The following DGKH variants were observed in gnomAD, a reference collection of about 807,000 sequenced individuals.
The protein encoded by DGKH is diacylglycerol kinase eta.
DGKH carries 90 observed loss-of-function variants against 159.3 expected under a neutral mutation model. The ratio of observed to expected loss-of-function variants is 0.57; its 90% CI spans 0.48 to 0.67. DGKH has a LOEUF of 0.67. DGKH is among the 30% of genes least tolerant of loss of function. The probability of loss-of-function intolerance (pLI) is 0.00; values close to 1 mark genes in which losing one functional copy is unlikely to be tolerated. For missense variants in DGKH, 1,181 were observed against 1,506.1 expected (o/e 0.78, Z 3.57); for synonymous variants, 536 against 553.8 (o/e 0.97, Z 0.45).
intron 7 of DGKH, among the ~76,000 whole-genome samples, chr13:42,164,415 A>G (rs1956264535): frequency 6.6e-6 from 1 of 152,210 alleles, no homozygotes. Context: ...ATAATAGAAA[A>G]CTGTCTAAAA....
chr13:42,197,485 A>G (rs1957231429), intron 17 of DGKH, among the ~76,000 whole-genome samples: 1 of 152,180 alleles, frequency 6.6e-6, no homozygotes, highest in Non-Finnish European at 1.5e-5. Context: ...TTGCCTAAAC[A>G]TTAAAATAAT....
chr13:42,063,939 G>GA (rs77810411), intron 1 of DGKH, among the ~76,000 whole-genome samples: 2,456 of 120,964 alleles, frequency 0.02, 29 homozygotes, highest in African/African-American at 0.036. Context: ...AACTCCGTCT[G>GA]AAAAAAAAAA....
chr13:42,255,989 A>G, intron 30 of DGKH: 4 of 1,604,774 alleles, frequency 2.5e-6, no homozygotes, highest in Non-Finnish European at 3.4e-6. Context: ...AGCCATGAAC[A>G]CTACTGCCTG....
upstream of DGKH, among the ~76,000 whole-genome samples, chr13:42,046,905 A>G (rs1438321631): frequency 1.3e-5 from 2 of 152,258 alleles, 1 homozygote. Flanking sequence ...TTATTCTTTC[A>G]AAAGACCCTT....
chr13:42,040,403 G>A (rs1880409389), intron 1 of DGKH, among the ~76,000 whole-genome samples: 1 of 151,876 alleles, frequency 6.6e-6, no homozygotes, highest in Non-Finnish European at 1.5e-5. Context: ...CGGCCGCCCG[G>A]TGCCCGTGAC....
At chr13:42,093,081 TA>T (rs887050837) in intron 1 of DGKH, among the ~76,000 whole-genome samples, 6 of 151,722 alleles carry the variant, frequency 4.0e-5, no homozygotes, top group African/African-American at 1.5e-4. Flanking sequence ...CTATCTCTAC[TA>T]AAAATGCAAA....
intron 3 of DGKH, among the ~76,000 whole-genome samples, chr13:42,132,558 G>A (rs1226299011): frequency 6.6e-6 from 1 of 152,298 alleles, no homozygotes; most frequent in African/African-American, 2.4e-5. Context: ...GATCTCTCCT[G>A]TAATGTCTTT....
chr13:42,205,822 C>A (rs1957453366), intron 20 of DGKH, among the ~76,000 whole-genome samples: 1 of 152,074 alleles, frequency 6.6e-6, no homozygotes, highest in African/African-American at 2.4e-5. Context: ...CTTTAAAAAT[C>A]AGTTTTTTGT....
Position 42,101,510 on chromosome 13 carries a change from C to T in DGKH, c.193-25953C>T, listed in dbSNP as rs970997053. ...AATGGTTCCATTTGGCTAGTGGCTA[C>T]GCTATCAGACAGTGCAGACAACGAA... On this transcript the variant is annotated intron_variant, in intron 1 of 29. Transcript: ENST00000337343. Among the ~76,000 whole-genome samples the T allele has an allele frequency of 1.2e-4, 19 of 152,316 alleles. No individual in the cohort carries two copies. The South Asian group carries it at 2.1e-3, about 17-fold the overall frequency.
chr13:42,155,834 A>G, intron 5 of DGKH, 35 bp downstream of exon 5: 3 of 1,613,256 alleles, frequency 1.9e-6, no homozygotes, highest in South Asian at 2.2e-5. Context: ...TTCTCCCAAC[A>G]GTAACCATAC....
chr13:42,214,707 A>C, intron 25 of DGKH, 95 bp downstream of exon 25: 1 of 1,195,520 alleles, frequency 8.4e-7, no homozygotes, highest in Non-Finnish European at 1.2e-6. Context: ...CTGTGACAGA[A>C]AGTTATGTTG....
At chr13:42,132,674 G>T (rs940395432) in intron 3 of DGKH, among the ~76,000 whole-genome samples, 4 of 152,154 alleles carry the variant, frequency 2.6e-5, no homozygotes, top group African/African-American at 7.2e-5. Context: ...GGCTGAAGCA[G>T]GAGGATTACT....
chr13:42,237,257 C>T lies in DGKH; in HGVS notation c.*8069C>T, dbSNP rs1226125798. On this transcript the variant is annotated 3_prime_UTR_variant, in exon 30 of 30. Coordinates refer to ENST00000337343, the MANE Select transcript of DGKH (RefSeq NM_178009.5). ...AATAAGCCCTAACTTTAACTGTTTT[C>T]TTCTATGTTACAGTGTTAGCGGTTG... 2 of 152,156 alleles carry T rather than the reference C, an allele frequency of 1.3e-5. No individual in the cohort carries two copies. The highest frequency in any genetic ancestry group is 2.9e-5 in the Non-Finnish European group (2 of 68,010). 9.4% of individuals were successfully genotyped at this position (152,156 alleles called of 1,614,324 possible).
chr13:42,104,597 A>C (rs1274070254), intron 1 of DGKH, among the ~76,000 whole-genome samples: 2 of 152,162 alleles, frequency 1.3e-5, no homozygotes, highest in African/African-American at 4.8e-5. Flanking sequence ...ATTTCCGCTC[A>C]TGTCCTGTTG....
chr13:42,184,887 T>A (rs1393490582), intron 13 of DGKH, among the ~76,000 whole-genome samples: 1 of 116,658 alleles, frequency 8.6e-6, no homozygotes, highest in Non-Finnish European at 1.7e-5. Flanking sequence ...TTTTTTTTTT[T>A]TAAAAAAAAA....
chr13:42,137,965 A>G (rs924773648), intron 3 of DGKH: 6 of 403,426 alleles, frequency 1.5e-5, no homozygotes, highest in Non-Finnish European at 1.7e-5. Context: ...GGAATAATTC[A>G]AGCTCAGTAT....
chr13:42,207,054 T>TTTCC (rs760124206), intron 21 of DGKH, among the ~76,000 whole-genome samples: 2 of 66,946 alleles, frequency 3.0e-5, no homozygotes, highest in South Asian at 5.4e-4. Flanking sequence ...TCTTTCCTTC[T>TTTCC]TTCCTTCCTT....
intron 13 of DGKH, among the ~76,000 whole-genome samples, chr13:42,179,811 A>G (rs945283598): frequency 3.3e-5 from 5 of 151,930 alleles, no homozygotes; most frequent in Non-Finnish European, 5.9e-5. Context: ...TTATTAGAGA[A>G]AAGGTTTCCA....
chr13:42,223,622 G>A (rs546522522), intron 29 of DGKH, among the ~76,000 whole-genome samples: 3 of 151,958 alleles, frequency 2.0e-5, no homozygotes, highest in South Asian at 2.1e-4. Context: ...CTAGCTAGGT[G>A]TGGTGGCACG....
Sources: gnomAD v4.1 joint callset for allele counts (sites outside exome capture counted in the v4.1 genomes callset) on GRCh38, gnomAD v4.1.1 for gene constraint, MANE v1.5 for transcripts, NCBI Gene and HGNC (gene_info 2026-07-23, HGNC 2026-07-21) for gene names.